ZNF469: variants seen among roughly 807,000 people sequenced by gnomAD.
ZNF469 encodes zinc finger protein 469.
ZNF469 carries 1 observed loss-of-function variant against 1.0 expected under a neutral mutation model. That is an observed-to-expected ratio of 1.00 (90% CI 0.35 to 4.73). ZNF469 has a LOEUF of 4.73. Ranked by LOEUF, ZNF469 falls within the 30% of genes most tolerant of loss-of-function variation. ZNF469 has a pLI of 0.16. For missense variants in ZNF469, 6,100 were observed against 5,356.3 expected (o/e 1.14, Z -4.33); for synonymous variants, 2,703 against 2,363.4 (o/e 1.14, Z -4.17).
intron 1 of ZNF469, among the ~76,000 whole-genome samples, chr16:88,401,515 G>GTGAATGGATGGATGGT (rs1904855187): frequency 8.3e-6 from 1 of 120,616 alleles, no homozygotes; most frequent in Non-Finnish European, 1.9e-5. Context: ...GGATGGGTGA[G>GTGAATGGATGGATGGT]TGGATGGATG....
the ZNF469 span, among the ~76,000 whole-genome samples, chr16:88,355,756 G>A: frequency 1.1e-4 from 17 of 152,204 alleles, no homozygotes; most frequent in Admixed American, 2.0e-4. Context: ...CCAGCATGGC[G>A]ACAGCTCTGC....
rs1470411235 is a variant in ZNF469 at position 88,433,891 on chromosome 16, A to G, written c.6421A>G (p.Arg2141Gly). The change falls in exon 3 of 3, where the codon AGG (arginine) becomes GGG (glycine). Residue 2141 changes from arginine (R) to glycine (G), a missense_variant. Coordinates refer to ENST00000565624, the MANE Select transcript of ZNF469 (RefSeq NM_001367624.2). ...PREDPLTSPS[R>G]AQGGLGGQLP... The stretch of plus-strand genomic sequence containing the variant: ...TGAAGACCCACTTACCTCGCCTTCC[A>G]GGGCCCAAGGTGGGCTGGGGGGGCA... The G allele has an allele frequency of 1.3e-6, 2 of 1,548,514 alleles. No homozygotes were observed. Among genetic ancestry groups the G allele is most frequent in the African/African-American group, 1.4e-5 (1 of 73,150 alleles).
chr16:88,400,210 G>A (rs1904815122), intron 1 of ZNF469, among the ~76,000 whole-genome samples: 1 of 152,224 alleles, frequency 6.6e-6, no homozygotes, highest in Admixed American at 6.5e-5. Context: ...GGATCAGCAG[G>A]CCCGAGTTCG....
chr16:88,152,996 C>T, the ZNF469 span, among the ~76,000 whole-genome samples: 2 of 152,190 alleles, frequency 1.3e-5, no homozygotes, highest in African/African-American at 4.8e-5. This position sits in a 1 kb window ranked among gnomAD's most constrained non-coding sequence, Gnocchi z 4.2. Context: ...ACCGTGGCTC[C>T]GGCTGGCGTC....
the ZNF469 span, among the ~76,000 whole-genome samples, chr16:88,109,673 G>A: frequency 1.0e-3 from 145 of 141,232 alleles, no homozygotes; most frequent in Middle Eastern, 7.8e-3. Context: ...TCTCCTCTCC[G>A]GGATCAGGAG....
chr16:88,283,767 G>T, the ZNF469 span, among the ~76,000 whole-genome samples: 70 of 152,184 alleles, frequency 4.6e-4, 3 homozygotes, highest in Middle Eastern at 0.01. Context: ...CCCCGAGTCT[G>T]CCCGAGGTCT....
rs1653318953 is a variant in ZNF469, at chr16:88,436,735, A to G, written c.9265A>G (p.Ser3089Gly). The G allele has an allele frequency of 6.5e-7, 1 of 1,548,630 alleles. No homozygotes were observed. The highest frequency in any genetic ancestry group is 1.2e-5 in the South Asian group (1 of 84,024). Residue 3089 changes from serine to glycine, a missense_variant, in exon 3 of 3, where the codon AGC becomes GGC. Coordinates refer to ENST00000565624, the MANE Select transcript of ZNF469 (RefSeq NM_001367624.2). ...CACGGCGAGCTCACAGGGGCCACAG[A>G]GCCGAAGGACAGAGGAGGCTGCAGG... The part of the protein sequence containing the change: ...EGTASSQGPQ[S>G]RRTEEAAGAG...
At chr16:88,238,448 T>C in the ZNF469 span, among the ~76,000 whole-genome samples, 4 of 152,182 alleles carry the variant, frequency 2.6e-5, no homozygotes, top group Admixed American at 1.3e-4. Context: ...AAATAGACCC[T>C]AGATAGACCC....
At chr16:88,311,174 G>A in the ZNF469 span, among the ~76,000 whole-genome samples, 1 of 152,192 alleles carries the variant, frequency 6.6e-6, no homozygotes, top group Non-Finnish European at 1.5e-5. Flanking sequence ...GAATCACTGG[G>A]AGGAAGACCC....
At chr16:88,168,756 G>A in the ZNF469 span, among the ~76,000 whole-genome samples, 26 of 152,342 alleles carry the variant, frequency 1.7e-4, no homozygotes, top group African/African-American at 6.3e-4. This position sits in a 1 kb window ranked among gnomAD's most constrained non-coding sequence, Gnocchi z 4.3. Flanking sequence ...CACCGTGGCA[G>A]GCCTTCTGCA....
chr16:88,191,535 C>G, the ZNF469 span: 435 of 143,736 alleles, frequency 3.0e-3, no homozygotes, highest in African/African-American at 0.012. Context: ...GAAGAGAATA[C>G]GAAAGGGCTG....
At chr16:88,237,009 C>A in the ZNF469 span, among the ~76,000 whole-genome samples, 1 of 151,554 alleles carries the variant, frequency 6.6e-6, no homozygotes, top group Non-Finnish European at 1.5e-5. Context: ...TACCATATCC[C>A]TTCTCTCCAT....
chr16:88,119,948 G>A, the ZNF469 span, among the ~76,000 whole-genome samples: 9 of 152,296 alleles, frequency 5.9e-5, no homozygotes, highest in African/African-American at 2.2e-4. Context: ...GGCCCGTGGG[G>A]TCCTGGTGTT....
At chr16:88,347,563 C>T in the ZNF469 span, among the ~76,000 whole-genome samples, 8 of 152,184 alleles carry the variant, frequency 5.3e-5, no homozygotes, top group African/African-American at 1.2e-4. Flanking sequence ...AGAACTGTGA[C>T]GATAAACTCC....
Position 88,428,561 on chromosome 16 carries a change from C to T in ZNF469, c.1091C>T (p.Ala364Val), listed in dbSNP as rs1222721606. 1.3e-5 allele frequency: 20 copies of T among 1,549,974 alleles called. No individual in the cohort carries two copies. Among genetic ancestry groups the T allele is most frequent in the African/African-American group, 4.1e-5 (3 of 73,028 alleles). ...TCTTCCCCTGGAGCTGCTCACTCGG[C>T]CCCGAGACCCTTCTCTGACAGTTTA... ...ALSSPGAAHS[A>V]PRPFSDSLHK... Residue 364 changes from alanine to valine, a missense_variant, in exon 3 of 3, where the codon GCC becomes GTC. Physicochemically the swap from Ala to Val is moderately conservative, Grantham distance 64 (BLOSUM62 0). Transcript: ENST00000565624.
At chr16:88,414,590 C>A (rs986207941) in intron 1 of ZNF469, among the ~76,000 whole-genome samples, 13 of 152,240 alleles carry the variant, frequency 8.5e-5, no homozygotes, top group African/African-American at 2.9e-4. Context: ...GGCCCCACGG[C>A]AGGAGGGTCC....
the ZNF469 span, among the ~76,000 whole-genome samples, chr16:88,211,654 C>T: frequency 6.6e-6 from 1 of 152,090 alleles, no homozygotes; most frequent in Non-Finnish European, 1.5e-5. Context: ...AGGTGTTAGA[C>T]AAGGATTTGG....
At chr16:88,242,308 A>G in the ZNF469 span, among the ~76,000 whole-genome samples, 1 of 152,214 alleles carries the variant, frequency 6.6e-6, no homozygotes, top group South Asian at 2.1e-4. Context: ...AAATGCATTC[A>G]AAATTCTTCA....
At chr16:88,324,949 G>T in the ZNF469 span, among the ~76,000 whole-genome samples, 2 of 152,156 alleles carry the variant, frequency 1.3e-5, no homozygotes, top group Admixed American at 1.3e-4. Flanking sequence ...TCTGCTTCTG[G>T]GGAGGCCTCA....
Sources: gnomAD v4.1 joint callset for allele counts (sites outside exome capture counted in the v4.1 genomes callset) on GRCh38, gnomAD v4.1.1 for gene constraint, Gnocchi (gnomAD v3.1) non-coding constraint, MANE v1.5 for transcripts, NCBI Gene and HGNC (gene_info 2026-07-23, HGNC 2026-07-21) for gene names.